AMMECR1: variants seen among roughly 807,000 people sequenced by gnomAD.
AMMECR1 encodes the protein nuclear protein AMMECR1.
Under a neutral mutation model 22.5 loss-of-function variants are expected in AMMECR1, and 3 were observed. The observed-to-expected ratio is 0.13, with a 90% CI of 0.06 to 0.35. AMMECR1 has a LOEUF of 0.35. Ranked by LOEUF, AMMECR1 falls within the 10% of genes least tolerant of loss-of-function variation. The probability of loss-of-function intolerance (pLI) is 1.00; values close to 1 mark genes in which losing one functional copy is unlikely to be tolerated. For synonymous variants in AMMECR1, 130 were observed against 116.7 expected, an observed-to-expected ratio of 1.11 and a Z score of -0.74; for missense variants, 235 against 278.7, an observed-to-expected ratio of 0.84 and a Z score of 1.12.
chrX:110,271,701 T>A (rs990709538), intron 1 of AMMECR1, among the ~76,000 whole-genome samples: 1 of 112,058 alleles, frequency 8.9e-6, no homozygotes, highest in Non-Finnish European at 1.9e-5. Context: ...TTGCACATAT[T>A]TTCTTAGTTT....
intron 2 of AMMECR1, among the ~76,000 whole-genome samples, chrX:110,257,788 C>T (rs1048544612): frequency 2.7e-5 from 3 of 111,552 alleles, no homozygotes; most frequent in Non-Finnish European, 3.8e-5. Context: ...CTGCTTTCTA[C>T]CTAGGACTAC....
intron 5 of AMMECR1, among the ~76,000 whole-genome samples, chrX:110,198,932 G>A (rs868265024): frequency 1.8e-5 from 2 of 111,230 alleles, no homozygotes; most frequent in South Asian, 7.7e-4. Flanking sequence ...CATCTCATTC[G>A]ATTCAGTTGA....
chrX:110,423,418 G>A (rs926841440), intron 2 of AMMECR1, among the ~76,000 whole-genome samples: 1 of 111,380 alleles, frequency 9.0e-6, no homozygotes, highest in Non-Finnish European at 1.9e-5. Context: ...GAAGGAGAAC[G>A]AGAAGATGTG....
intron 1 of AMMECR1, among the ~76,000 whole-genome samples, chrX:110,428,941 C>T (rs746868250): frequency 3.4e-4 from 38 of 112,367 alleles, no homozygotes; most frequent in Non-Finnish European, 5.4e-4. Context: ...TCTGCCCCTA[C>T]GTGTATCCAG....
chrX:110,427,555 G>A (rs923426190), intron 1 of AMMECR1, among the ~76,000 whole-genome samples: 1 of 111,823 alleles, frequency 8.9e-6, no homozygotes, highest in African/African-American at 3.3e-5. Flanking sequence ...TCAAATAAAT[G>A]GAGGGAGCTT....
At chrX:110,401,082 G>A (rs183293150) in intron 2 of AMMECR1, among the ~76,000 whole-genome samples, 8 of 112,246 alleles carry the variant, frequency 7.1e-5, no homozygotes, top group South Asian at 3.7e-4. Context: ...TTTCATCCTC[G>A]TTTTACAGAT....
At chrX:110,310,914 T>C (rs1213615701) in intron 1 of AMMECR1, among the ~76,000 whole-genome samples, 1 of 111,913 alleles carries the variant, frequency 8.9e-6, no homozygotes, top group African/African-American at 3.3e-5. Context: ...TCTGATACTC[T>C]AGAGGACTCT....
Position 110,303,003 on chromosome X carries a change from C to T in AMMECR1, c.473+14596G>A, listed in dbSNP as rs532952463. ...TAAAAAGTGTTTAAATATAACAATTCTGAGAAAATGAATGGACCTGAGGCC... is the reference window on the plus strand; with the variant it reads ...TAAAAAGTGTTTAAATATAACAATTTTGAGAAAATGAATGGACCTGAGGCC... On this transcript the variant is annotated intron_variant, in intron 1 of 5. Coordinates refer to ENST00000262844, the MANE Select transcript of AMMECR1 (RefSeq NM_015365.3). Among the ~76,000 whole-genome samples, 76 of 111,509 alleles carry T rather than the reference C, an allele frequency of 6.8e-4. No homozygotes were observed. The South Asian group carries it at 7.5e-3, about 11-fold the overall frequency.
chrX:110,380,235 G>A (rs1335671515), intron 2 of AMMECR1, among the ~76,000 whole-genome samples: 1 of 111,890 alleles, frequency 8.9e-6, no homozygotes, highest in Non-Finnish European at 1.9e-5. Flanking sequence ...AACACAAAAG[G>A]ATTAGAAACT....
At chrX:110,212,534 T>TC (rs1412626762) in intron 3 of AMMECR1, among the ~76,000 whole-genome samples, 3 of 112,202 alleles carry the variant, frequency 2.7e-5, no homozygotes, top group Non-Finnish European at 3.8e-5. Context: ...TTATCTATCT[T>TC]CAACTTTAAC....
At chrX:110,392,276 T>G (rs2068499406) in intron 2 of AMMECR1, among the ~76,000 whole-genome samples, 1 of 101,399 alleles carries the variant, frequency 9.9e-6, no homozygotes, top group African/African-American at 3.6e-5. Context: ...CCACAGGTTT[T>G]TTTTTTTTTT....
At position 110,201,021 on chromosome X, in the gene AMMECR1, A is replaced by C; in HGVS notation, c.820T>G (p.Leu274Val). 1.7e-6 allele frequency: 2 copies of C among 1,205,272 alleles called. No individual in the cohort carries two copies. Among genetic ancestry groups the C allele is most frequent in the Non-Finnish European group, 2.2e-6 (2 of 890,207 alleles). Residue 274 changes from leucine (L) to valine (V), a missense_variant, in exon 5 of 6, where the codon TTA becomes GTA. Leu to Val is a conservative substitution (Grantham distance 32). Coordinates refer to ENST00000262844, the MANE Select transcript of AMMECR1 (RefSeq NM_015365.3). ...GCTTTGTATCCTCCTTTCCTCAATA[A>C]GGAGTCTATGGTCTGTATATGGTCC... Reference protein sequence around the residue: ...GWDHIQTIDSLLRKGGYKAPI... With the variant: ...GWDHIQTIDSVLRKGGYKAPI...
At chrX:110,330,129 C>T (rs1446437436) in intron 2 of AMMECR1, among the ~76,000 whole-genome samples, 2 of 111,729 alleles carry the variant, frequency 1.8e-5, no homozygotes, top group East Asian at 2.8e-4. Context: ...ATTCAGTTCC[C>T]TTTCTGATTT....
In AMMECR1 at chrX:110,201,059, A is replaced by C. The variant is rs1406776986; in HGVS notation, c.791-9T>G. 1 of 1,095,955 alleles carries C rather than the reference A, an allele frequency of 9.1e-7. No individual in the cohort carries two copies. Among genetic ancestry groups the C allele is most frequent in the Non-Finnish European group, 1.3e-6 (1 of 799,451 alleles). 90.3% of individuals were successfully genotyped at this position (1,095,955 alleles called of 1,213,427 possible). The stretch of plus-strand genomic sequence containing the variant: ...CTGTATATGGTCCCATCCTGTAGAG[A>C]GATGACCAGATAAAATATCAGTCAA... On this transcript the variant is annotated splice_polypyrimidine_tract_variant and intron_variant, in intron 4 of 5. Transcript: ENST00000262844.
At chrX:110,244,468 T>C (rs2067648571) in intron 2 of AMMECR1, among the ~76,000 whole-genome samples, 1 of 111,958 alleles carries the variant, frequency 8.9e-6, no homozygotes, top group Admixed American at 9.5e-5. Context: ...AATGTTGAAA[T>C]TGAGTCGTAT....
At chrX:110,333,297 G>T (rs935045648) in intron 2 of AMMECR1, among the ~76,000 whole-genome samples, 1 of 111,592 alleles carries the variant, frequency 9.0e-6, no homozygotes, top group East Asian at 2.8e-4. Context: ...TTTGCCAGTT[G>T]TTAGAATGGC....
At chrX:110,316,591 C>A (rs756170762) in intron 1 of AMMECR1, among the ~76,000 whole-genome samples, 1 of 108,140 alleles carries the variant, frequency 9.2e-6, no homozygotes, top group African/African-American at 3.4e-5. Flanking sequence ...AAAAAAAAAA[C>A]CATATGCCCC....
chrX:110,344,309 G>A (rs780953155), intron 2 of AMMECR1, among the ~76,000 whole-genome samples: 325 of 112,193 alleles, frequency 2.9e-3, no homozygotes, highest in African/African-American at 9.9e-3. Context: ...AGCTGAAATT[G>A]GATCCTTTCC....
At chrX:110,260,794 C>T (rs763832139) in intron 2 of AMMECR1, among the ~76,000 whole-genome samples, 15 of 111,677 alleles carry the variant, frequency 1.3e-4, no homozygotes, top group Non-Finnish European at 2.4e-4. Flanking sequence ...CCCACCCAAA[C>T]GTCCACCAAT....
Sources: allele counts gnomAD v4.1 joint callset (sites outside exome capture counted in the v4.1 genomes callset), GRCh38; gene constraint gnomAD v4.1.1; transcripts MANE v1.5; gene names NCBI Gene and HGNC (gene_info 2026-07-23, HGNC 2026-07-21).